Variants in PRELID2 observed in about 807,000 individuals in gnomAD.
The protein encoded by PRELID2 is PRELI domain containing 2.
PRELID2 carries 25 observed loss-of-function variants against 28.4 expected under a neutral mutation model. That is an observed-to-expected ratio of 0.88 (90% CI 0.64 to 1.23). The LOEUF (loss-of-function observed/expected upper bound fraction) is 1.23, where lower values mean the gene tolerates loss of function less well. Among genes scored for constraint, PRELID2 ranks in the 50% most tolerant of loss-of-function variants. The probability of loss-of-function intolerance (pLI) is 0.00; values close to 1 mark genes in which losing one functional copy is unlikely to be tolerated. For missense variants in PRELID2, 201 were observed against 214.4 expected, an observed-to-expected ratio of 0.94 and a Z score of 0.39; for synonymous variants, 76 against 71.6, an observed-to-expected ratio of 1.06 and a Z score of -0.31.
the PRELID2 span, among the ~76,000 whole-genome samples, chr5:145,275,064 A>T: frequency 6.6e-6 from 1 of 152,032 alleles, no homozygotes; most frequent in Admixed American, 6.6e-5. Context: ...TCACCACATA[A>T]CCTCATTTTA....
At chr5:145,582,510 G>A (rs575925814) in intron 1 of PRELID2, among the ~76,000 whole-genome samples, 1 of 152,044 alleles carries the variant, frequency 6.6e-6, no homozygotes, top group East Asian at 1.9e-4. Context: ...GGGATTACAA[G>A]CCAAGATGAG....
At chr5:145,819,878 T>C in intron 3 of PRELID2, 67 bp downstream of exon 3, 1 of 1,006,396 alleles carries the variant, frequency 9.9e-7, no homozygotes. Flanking sequence ...GAAAATGCTG[T>C]TCCTTTTCAT....
intron 1 of PRELID2, among the ~76,000 whole-genome samples, chr5:145,724,697 T>C (rs1268701446): frequency 8.2e-5 from 11 of 133,398 alleles, no homozygotes; most frequent in Non-Finnish European, 1.7e-4. Flanking sequence ...AAAAAATGAA[T>C]GTATGTGTAT....
chr5:145,552,918 T>C (rs1752849674), intron 1 of PRELID2, among the ~76,000 whole-genome samples: 1 of 152,234 alleles, frequency 6.6e-6, no homozygotes, highest in Non-Finnish European at 1.5e-5. Context: ...AATGTTTATA[T>C]GTTAATACCT....
At chr5:145,447,245 TA>T in the PRELID2 span, among the ~76,000 whole-genome samples, 1 of 151,888 alleles carries the variant, frequency 6.6e-6, no homozygotes, top group African/African-American at 2.4e-5. Flanking sequence ...GATGTTTTTA[TA>T]ACAGTCAAAA....
At chr5:145,797,984 G>A (rs144691140) in intron 4 of PRELID2, among the ~76,000 whole-genome samples, 359 of 151,770 alleles carry the variant, frequency 2.4e-3, no homozygotes, top group African/African-American at 7.9e-3. Flanking sequence ...AAAATAAAGC[G>A]CAAGAATAAA....
chr5:145,657,196 C>A (rs1413541119), intron 1 of PRELID2, among the ~76,000 whole-genome samples: 2 of 151,968 alleles, frequency 1.3e-5, no homozygotes, highest in African/African-American at 4.8e-5. Flanking sequence ...AGCATGCATG[C>A]AAGGATTTAG....
chr5:145,328,148 T>G, the PRELID2 span, among the ~76,000 whole-genome samples: 5 of 152,350 alleles, frequency 3.3e-5, no homozygotes, highest in East Asian at 3.9e-4. Context: ...TATTCCATGG[T>G]ATATATGTGC....
At chr5:145,436,487 T>A in the PRELID2 span, among the ~76,000 whole-genome samples, 42 of 152,310 alleles carry the variant, frequency 2.8e-4, no homozygotes, top group African/African-American at 1.0e-3. Flanking sequence ...TAGTTCTAAT[T>A]TCTTTAGAAA....
chr5:145,274,108 G>C, the PRELID2 span, among the ~76,000 whole-genome samples: 1 of 152,110 alleles, frequency 6.6e-6, no homozygotes, highest in Non-Finnish European at 1.5e-5. Flanking sequence ...TATTTTATAA[G>C]ATTATCAAAT....
At chr5:145,538,147 T>C (rs775767628) in intron 1 of PRELID2, among the ~76,000 whole-genome samples, 34 of 151,944 alleles carry the variant, frequency 2.2e-4, no homozygotes, top group Non-Finnish European at 4.9e-4. Flanking sequence ...CAGTTGCATA[T>C]AAGTGAGTGA....
At chr5:145,253,503 G>A in the PRELID2 span, among the ~76,000 whole-genome samples, 1 of 152,008 alleles carries the variant, frequency 6.6e-6, no homozygotes, top group Non-Finnish European at 1.5e-5. Context: ...TGACATCCAT[G>A]CTTTTTCTCC....
chr5:145,424,967 A>G, the PRELID2 span, among the ~76,000 whole-genome samples: 1 of 152,170 alleles, frequency 6.6e-6, no homozygotes, highest in African/African-American at 2.4e-5. Context: ...AGAAACTATC[A>G]TCAGAGTGAA....
intron 3 of PRELID2, chr5:145,819,563 A>G: frequency 1.7e-6 from 1 of 583,134 alleles, no homozygotes; most frequent in Non-Finnish European, 3.0e-6. Flanking sequence ...TTAGAAACTG[A>G]AGTTTTTCTC....
chr5:145,658,903 A>C (rs1234770483), intron 1 of PRELID2, among the ~76,000 whole-genome samples: 2 of 152,190 alleles, frequency 1.3e-5, no homozygotes, highest in Non-Finnish European at 2.9e-5. Context: ...AGTAACTGGA[A>C]AGGGGGAACT....
the PRELID2 span, among the ~76,000 whole-genome samples, chr5:145,301,482 C>T: frequency 6.6e-6 from 1 of 151,966 alleles, no homozygotes; most frequent in Non-Finnish European, 1.5e-5. Flanking sequence ...TTACTGGTGT[C>T]TTTTGAAGAG....
chr5:145,427,043 A>T, the PRELID2 span, among the ~76,000 whole-genome samples: 1 of 152,198 alleles, frequency 6.6e-6, no homozygotes, highest in African/African-American at 2.4e-5. Flanking sequence ...TACAGAACGG[A>T]TCTGACCTAC....
intron 1 of PRELID2, among the ~76,000 whole-genome samples, chr5:145,630,408 AC>A (rs1169319115): frequency 6.6e-6 from 1 of 152,266 alleles, no homozygotes; most frequent in East Asian, 1.9e-4. Flanking sequence ...GGTATGCCTT[AC>A]CTATTCCAAA....
the PRELID2 span, among the ~76,000 whole-genome samples, chr5:145,324,085 T>C: frequency 1.3e-5 from 2 of 152,316 alleles, no homozygotes; most frequent in East Asian, 1.9e-4. Context: ...CCACCAGTGG[T>C]GAATATGCAT....
Sources: allele counts gnomAD v4.1 joint callset (sites outside exome capture counted in the v4.1 genomes callset), GRCh38; gene constraint gnomAD v4.1.1; transcripts MANE v1.5; gene names NCBI Gene and HGNC (gene_info 2026-07-23, HGNC 2026-07-21).